Variants in AGO3 observed in about 807,000 individuals in gnomAD.
AGO3 encodes protein argonaute-3.
AGO3 carries 16 observed loss-of-function variants against 105.5 expected under a neutral mutation model. The ratio of observed to expected loss-of-function variants is 0.15; its 90% confidence interval spans 0.10 to 0.23. The LOEUF is 0.23. Among genes scored for constraint, AGO3 ranks in the 10% least tolerant of loss-of-function variants. The probability of loss-of-function intolerance (pLI) is 1.00; values close to 1 mark genes in which losing one functional copy is unlikely to be tolerated. For synonymous variants in AGO3, 340 were observed against 367.3 expected (o/e 0.93, Z 0.85); for missense variants, 534 against 1,088.0 (o/e 0.49, Z 7.16).
intron 17 of AGO3, among the ~76,000 whole-genome samples, chr1:36,053,178 A>G (rs765916128): frequency 3.3e-5 from 5 of 152,008 alleles, no homozygotes; most frequent in African/African-American, 1.2e-4. Context: ...GCAAATGACC[A>G]TTATGAATCT....
rs1642990882 is a variant in AGO3 at position 36,058,900 on chromosome 1, C to T, written c.*3155C>T. On this transcript the variant is annotated 3_prime_UTR_variant, in exon 19 of 19. Coordinates refer to ENST00000373191, the MANE Select transcript of AGO3 (RefSeq NM_024852.4). ...GGGCAAGAGAAGAAAATAGTATACCCAAGATGATAAAAATTTAATTCGTCT... is the reference window on the plus strand; with the variant it reads ...GGGCAAGAGAAGAAAATAGTATACCTAAGATGATAAAAATTTAATTCGTCT... 6.6e-6 allele frequency: 1 copy of T among 151,982 alleles called. No homozygotes were observed. The highest frequency in any genetic ancestry group is 1.5e-5 in the Non-Finnish European group (1 of 68,004). 9.4% of individuals were successfully genotyped at this position (151,982 alleles called of 1,614,324 possible).
intron 5 of AGO3, among the ~76,000 whole-genome samples, chr1:35,979,210 A>G (rs1379417180): frequency 6.6e-6 from 1 of 152,102 alleles, no homozygotes; most frequent in African/African-American, 2.4e-5. Context: ...TAAAAATACA[A>G]AAAATTAGCC....
At chr1:36,038,405 G>A (rs568480822) in intron 14 of AGO3, among the ~76,000 whole-genome samples, 4 of 151,950 alleles carry the variant, frequency 2.6e-5, no homozygotes, top group East Asian at 3.9e-4. Flanking sequence ...ACAGGTGCAC[G>A]CTGACACACC....
intron 1 of AGO3, among the ~76,000 whole-genome samples, chr1:35,933,211 G>A (rs565035074): frequency 6.6e-5 from 10 of 152,302 alleles, no homozygotes; most frequent in African/African-American, 2.4e-4. Flanking sequence ...ATGATTGAAT[G>A]TAGCCTAATA....
At chr1:35,959,909 T>G (rs1295773965) in intron 2 of AGO3, among the ~76,000 whole-genome samples, 2 of 151,988 alleles carry the variant, frequency 1.3e-5, no homozygotes, top group Non-Finnish European at 2.9e-5. Flanking sequence ...TACATATTTG[T>G]TTTTTTAATC....
rs555020259 is a variant in AGO3, at chr1:35,996,683, A to G, written c.659-7658A>G. Among the ~76,000 whole-genome samples, 19 of 151,618 alleles carry G rather than the reference A, an allele frequency of 1.3e-4. No individual in the cohort carries two copies. In the South Asian group the frequency reaches 4.0e-3, roughly 32 times the overall value. ...CTACTCAGGAAGCTGAGGCAGGAGA[A>G]TTGCTTGAACCCAGGCAGCAGAGGT... is the stretch of plus-strand genomic sequence containing the variant. On this transcript the variant is annotated intron_variant, in intron 5 of 18. Coordinates refer to ENST00000373191, the MANE Select transcript of AGO3 (RefSeq NM_024852.4).
intron 5 of AGO3, among the ~76,000 whole-genome samples, chr1:35,974,665 CTTAA>C (rs1324395839): frequency 6.6e-6 from 1 of 152,084 alleles, no homozygotes; most frequent in African/African-American, 2.4e-5. Context: ...TTGTAAATTT[CTTAA>C]TTAACCTTTG....
chr1:36,026,676 C>CAA (rs1378401412), intron 11 of AGO3, among the ~76,000 whole-genome samples: 1 of 152,140 alleles, frequency 6.6e-6, no homozygotes, highest in Non-Finnish European at 1.5e-5. Flanking sequence ...CAAGTTTTTA[C>CAA]CATGGTCCTG....
At chr1:35,966,861 G>T in intron 2 of AGO3, 94 bp from the exon 3 acceptor site, 1 of 1,330,774 alleles carries the variant, frequency 7.5e-7, no homozygotes, top group Non-Finnish European at 9.9e-7. Context: ...TTAGAATTTT[G>T]ACAGCTTTAT....
At chr1:35,973,606 C>G (rs1480075298) in intron 5 of AGO3, 95 bp downstream of exon 5, 6 of 1,244,238 alleles carry the variant, frequency 4.8e-6, no homozygotes, top group Non-Finnish European at 6.3e-6. Context: ...ACTGGTGTCT[C>G]GAAGTAATAT....
chr1:36,054,181 A>G (rs1298893997), intron 17 of AGO3, among the ~76,000 whole-genome samples: 1 of 152,164 alleles, frequency 6.6e-6, no homozygotes, highest in African/African-American at 2.4e-5. Context: ...CTTCTGCTGT[A>G]GTCAGCAAAT....
At chr1:35,988,791 T>TC (rs1377817040) in intron 5 of AGO3, among the ~76,000 whole-genome samples, 2 of 152,178 alleles carry the variant, frequency 1.3e-5, no homozygotes, top group Non-Finnish European at 2.9e-5. Context: ...TTGCATGTAG[T>TC]CCCTGAAGTG....
intron 17 of AGO3, among the ~76,000 whole-genome samples, chr1:36,053,661 C>T (rs1454650832): frequency 6.6e-6 from 1 of 151,992 alleles, no homozygotes; most frequent in Non-Finnish European, 1.5e-5. Flanking sequence ...CTCACTGCAG[C>T]CTTGACTTCC....
chr1:35,994,282 C>T (rs1438446242), intron 5 of AGO3, among the ~76,000 whole-genome samples: 1 of 151,882 alleles, frequency 6.6e-6, no homozygotes, highest in East Asian at 1.9e-4. Flanking sequence ...AAACCTGGTA[C>T]TAACCCCTGA....
rs569522958 is a variant in AGO3 at position 35,995,663 on chromosome 1, G to T, written c.659-8678G>T. ...AAGACAAAATGGGGAAAATATTCAT[G>T]ATCTTGGACGAGGCAAAGATTTTTT... On this transcript the variant is annotated intron_variant, in intron 5 of 18. Coordinates refer to ENST00000373191, the MANE Select transcript of AGO3 (RefSeq NM_024852.4). Among the ~76,000 whole-genome samples, 9 of 152,244 alleles carry T rather than the reference G, an allele frequency of 5.9e-5. No homozygotes were observed. The South Asian group carries it at 1.9e-3, about 32-fold the overall frequency.
At chr1:35,982,587 G>T (rs1054978411) in intron 5 of AGO3, 1 of 715,252 alleles carries the variant, frequency 1.4e-6, no homozygotes, top group African/African-American at 1.7e-5. Flanking sequence ...AGGTTTTTAA[G>T]AAGGATAGTG....
At chr1:36,045,653 C>G (rs1642437441) in intron 17 of AGO3, among the ~76,000 whole-genome samples, 1 of 152,074 alleles carries the variant, frequency 6.6e-6, no homozygotes, top group African/African-American at 2.4e-5. Flanking sequence ...AGCGATTCTT[C>G]TGCCTCAGCC....
At chr1:35,937,974 T>C (rs1646181747) in intron 1 of AGO3, among the ~76,000 whole-genome samples, 1 of 151,422 alleles carries the variant, frequency 6.6e-6, no homozygotes, top group African/African-American at 2.4e-5. Context: ...AAAACAAAAA[T>C]GTATTCTTTT....
At chr1:35,962,342 G>C (rs1006404005) in intron 2 of AGO3, among the ~76,000 whole-genome samples, 5 of 152,086 alleles carry the variant, frequency 3.3e-5, no homozygotes, top group Non-Finnish European at 7.4e-5. Context: ...AGGAGATCGA[G>C]ACCATCCTGG....
Sources: allele counts gnomAD v4.1 joint callset (sites outside exome capture counted in the v4.1 genomes callset), GRCh38; gene constraint gnomAD v4.1.1; transcripts MANE v1.5; gene names NCBI Gene and HGNC (gene_info 2026-07-23, HGNC 2026-07-21).